Variants in GRIK2 observed in about 807,000 individuals in gnomAD.
The protein encoded by GRIK2 is glutamate receptor ionotropic, kainate 2.
In GRIK2, 32 loss-of-function variants were observed where a neutral mutation model predicts 100.3. The ratio of observed to expected loss-of-function variants is 0.32; its 90% CI spans 0.24 to 0.43. The LOEUF is 0.43. GRIK2 is among the 20% of genes least tolerant of loss of function. The pLI is 1.00. For synonymous variants in GRIK2, 417 were observed against 389.4 expected, an observed-to-expected ratio of 1.07 and a Z score of -0.83; for missense variants, 843 against 1,114.9, an observed-to-expected ratio of 0.76 and a Z score of 3.47.
intron 4 of GRIK2, among the ~76,000 whole-genome samples, chr6:101,639,015 A>G (rs1198000749): frequency 6.6e-6 from 1 of 152,056 alleles, no homozygotes; most frequent in Non-Finnish European, 1.5e-5. Context: ...AAAATAGTTC[A>G]GTGTAAGGAC....
At chr6:101,518,905 T>G (rs531515608) in intron 2 of GRIK2, among the ~76,000 whole-genome samples, 16 of 152,320 alleles carry the variant, frequency 1.1e-4, no homozygotes, top group African/African-American at 3.8e-4. Flanking sequence ...TTTTTAAGAC[T>G]AAATGCTGAT....
chr6:102,054,535 C>T (rs1408554851), intron 15 of GRIK2, among the ~76,000 whole-genome samples: 2 of 151,742 alleles, frequency 1.3e-5, no homozygotes, highest in Non-Finnish European at 2.9e-5. Context: ...TGTTTCTGGT[C>T]AATGAATTAG....
At chr6:101,823,873 T>G (rs144556398) in intron 10 of GRIK2, among the ~76,000 whole-genome samples, 2,055 of 150,862 alleles carry the variant, frequency 0.014, 49 homozygotes, top group African/African-American at 0.048. Flanking sequence ...TTTTTTTTTT[T>G]TTGTTTTTTT....
intron 7 of GRIK2, among the ~76,000 whole-genome samples, chr6:101,707,864 G>A (rs1272065050): frequency 6.6e-6 from 1 of 151,560 alleles, no homozygotes; most frequent in Non-Finnish European, 1.5e-5. Flanking sequence ...TCATTGATCA[G>A]TAATATAGAT....
chr6:101,558,891 A>G (rs1171548476), intron 2 of GRIK2, among the ~76,000 whole-genome samples: 2 of 151,870 alleles, frequency 1.3e-5, no homozygotes, highest in Non-Finnish European at 1.5e-5. Context: ...CTGTATGTCA[A>G]TTCACCTCAA....
intron 7 of GRIK2, among the ~76,000 whole-genome samples, chr6:101,701,751 A>G (rs955712158): frequency 1.3e-5 from 2 of 152,094 alleles, no homozygotes; most frequent in African/African-American, 4.8e-5. Flanking sequence ...CTTTTAAAAC[A>G]TCATAATTTG....
intron 2 of GRIK2, among the ~76,000 whole-genome samples, chr6:101,423,387 C>G (rs529087099): frequency 2.9e-4 from 44 of 152,272 alleles, no homozygotes; most frequent in African/African-American, 1.0e-3. Context: ...TTTTCCATAG[C>G]AACAGCACCA....
chr6:101,624,525 C>T (rs868616386), intron 3 of GRIK2, among the ~76,000 whole-genome samples: 4 of 151,944 alleles, frequency 2.6e-5, no homozygotes, highest in East Asian at 1.9e-4. Flanking sequence ...GCTTAATTCA[C>T]GTATAATATT....
intron 7 of GRIK2, among the ~76,000 whole-genome samples, chr6:101,798,364 A>G (rs1389168406): frequency 3.3e-5 from 5 of 152,146 alleles, no homozygotes; most frequent in African/African-American, 9.6e-5. Context: ...GTATGCCTCA[A>G]TGAACACTAC....
intron 2 of GRIK2, among the ~76,000 whole-genome samples, chr6:101,509,109 G>C (rs1774170664): frequency 7.1e-6 from 1 of 140,258 alleles, no homozygotes; most frequent in Admixed American, 7.9e-5. Flanking sequence ...AGTGAGCCGA[G>C]ATCATGCCAC....
chr6:102,057,932 A>T (rs1771543275), intron 16 of GRIK2, among the ~76,000 whole-genome samples: 1 of 151,874 alleles, frequency 6.6e-6, no homozygotes, highest in Non-Finnish European at 1.5e-5. Context: ...ATCAAAAGGT[A>T]TAATGGGTTT....
intron 7 of GRIK2, among the ~76,000 whole-genome samples, chr6:101,738,208 A>T (rs1444439885): frequency 6.6e-6 from 1 of 151,992 alleles, no homozygotes; most frequent in African/African-American, 2.4e-5. Context: ...CAATTGTCAA[A>T]TGTCAATTGT....
chr6:101,591,187 T>C (rs113241536), intron 2 of GRIK2, among the ~76,000 whole-genome samples: 2 of 150,748 alleles, frequency 1.3e-5, no homozygotes, highest in African/African-American at 4.9e-5. Context: ...TGAATCTTTT[T>C]TGTTCCATTT....
intron 14 of GRIK2, among the ~76,000 whole-genome samples, chr6:102,020,069 G>T (rs949297525): frequency 4.6e-5 from 7 of 152,064 alleles, no homozygotes; most frequent in Admixed American, 3.9e-4. Context: ...ACTATATTGT[G>T]TAGAAATAAT....
Position 101,866,814 on chromosome 6 carries a change from T to A in GRIK2, c.1524+7321T>A, listed in dbSNP as rs966368916. ...AATTCCCCATTTACTTCATTCCTTC[T>A]TATTAACATATAGTAATTTATTATA... On this transcript the variant is annotated intron_variant, in intron 11 of 16. Coordinates refer to ENST00000369134, the MANE Select transcript of GRIK2 (RefSeq NM_021956.5). Among the ~76,000 whole-genome samples the A allele has an allele frequency of 5.3e-5, 8 of 151,250 alleles. No individual in the cohort carries two copies. The East Asian group carries it at 1.5e-3, about 29-fold the overall frequency.
chr6:101,877,135 G>A (rs1021753328), intron 11 of GRIK2, among the ~76,000 whole-genome samples: 1 of 151,044 alleles, frequency 6.6e-6, no homozygotes, highest in Non-Finnish European at 1.5e-5. Flanking sequence ...AAACACAGAC[G>A]AACACACACA....
intron 2 of GRIK2, among the ~76,000 whole-genome samples, chr6:101,524,386 T>A (rs1775040279): frequency 5.4e-5 from 8 of 148,948 alleles, no homozygotes; most frequent in Admixed American, 3.3e-4. Context: ...ATGCCCCATT[T>A]TATATATATA....
chr6:101,773,855 ATTCT>A (rs2128398744), intron 7 of GRIK2, among the ~76,000 whole-genome samples: 1 of 152,324 alleles, frequency 6.6e-6, no homozygotes, highest in East Asian at 1.9e-4. Context: ...TAAATCTCAT[ATTCT>A]TTCTATGAAA....
At chr6:101,547,569 G>A (rs1297550035) in intron 2 of GRIK2, among the ~76,000 whole-genome samples, 1 of 152,152 alleles carries the variant, frequency 6.6e-6, no homozygotes, top group African/African-American at 2.4e-5. Context: ...AACATGCGGT[G>A]TTTGGATTTT....
Sources: allele counts gnomAD v4.1 joint callset (sites outside exome capture counted in the v4.1 genomes callset), GRCh38; gene constraint gnomAD v4.1.1; transcripts MANE v1.5; gene names NCBI Gene and HGNC (gene_info 2026-07-23, HGNC 2026-07-21).